TUSC3: variants seen among roughly 807,000 people sequenced by gnomAD.
TUSC3 encodes the protein tumor suppressor candidate 3, also known as dolichyl-diphosphooligosaccharide--protein glycosyltransferase subunit TUSC3.
In TUSC3, 45 loss-of-function variants were observed where a neutral mutation model predicts 44.8. That is an observed-to-expected ratio of 1.00 (90% CI 0.79 to 1.29). The LOEUF is 1.29. TUSC3 is among the 50% of genes most tolerant of loss of function. TUSC3 has a pLI of 0.00. For synonymous variants in TUSC3, 212 were observed against 152.9 expected (o/e 1.39, Z -2.85); for missense variants, 519 against 437.9 (o/e 1.19, Z -1.65).
At chr8:15,484,639 A>G (rs978306835) in intron 2 of TUSC3, among the ~76,000 whole-genome samples, 1 of 152,228 alleles carries the variant, frequency 6.6e-6, no homozygotes, top group South Asian at 2.1e-4. Context: ...CAATTTGGCA[A>G]TATGTTGTAT....
chr8:15,851,546 G>A, the TUSC3 span, among the ~76,000 whole-genome samples: 2 of 152,186 alleles, frequency 1.3e-5, no homozygotes, highest in African/African-American at 4.8e-5. Context: ...TGATTAGAGA[G>A]GTTTAAATAA....
At chr8:15,515,778 C>G (rs2129128696) in intron 2 of TUSC3, among the ~76,000 whole-genome samples, 1 of 152,230 alleles carries the variant, frequency 6.6e-6, no homozygotes, top group Admixed American at 6.5e-5. Flanking sequence ...AGTAACTCTC[C>G]TGCCTCAGCT....
rs564239135 is a variant in TUSC3, at chr8:15,694,607, T to G, written c.798+20771T>G. 1.3e-4 allele frequency among the ~76,000 whole-genome samples: 20 copies of G among 152,232 alleles called. No homozygotes were observed. In the East Asian group the frequency reaches 3.9e-3, roughly 30 times the overall value. ...GTTGTCATCCTTTGGATGAGTTTTTTGTTCTTTTATCCGCTTTGATATCCT... is the reference window on the plus strand; with the variant it reads ...GTTGTCATCCTTTGGATGAGTTTTTGGTTCTTTTATCCGCTTTGATATCCT... On this transcript the variant is annotated intron_variant, in intron 6 of 10. Coordinates refer to ENST00000503731, the MANE Select transcript of TUSC3 (RefSeq NM_006765.4).
Position 15,623,235 on chromosome 8 carries a change from G to A in TUSC3, c.294G>A (p.Gln98=). The change falls in exon 2 of 11, where the codon CAG becomes CAA. Residue 98 remains glutamine, a synonymous_variant. Transcript: ENST00000503731. ...VMFTALQPQR[Q]CSVCRQANEE... ...TCACTGCTCTTCAGCCTCAGCGGCA[G>A]TGTTCTGTGTGCAGGTAATTTATGT... The A allele has an allele frequency of 6.2e-7, 1 of 1,605,948 alleles. No homozygotes were observed. Among genetic ancestry groups the A allele is most frequent in the South Asian group, 1.1e-5 (1 of 88,586 alleles).
intron 1 of TUSC3, among the ~76,000 whole-genome samples, chr8:15,615,854 G>A (rs535817465): frequency 5.3e-5 from 8 of 152,210 alleles, no homozygotes; most frequent in Middle Eastern, 3.4e-3. Flanking sequence ...ATGAAGAGAG[G>A]CTGGTTAAAG....
intron 1 of TUSC3, among the ~76,000 whole-genome samples, chr8:15,576,546 G>A (rs1267099420): frequency 6.9e-6 from 1 of 144,252 alleles, no homozygotes; most frequent in East Asian, 2.2e-4. Context: ...CCACCTATGA[G>A]TGAGAATATG....
chr8:15,520,002 A>G (rs1008048256), intron 2 of TUSC3, among the ~76,000 whole-genome samples: 1 of 152,152 alleles, frequency 6.6e-6, no homozygotes, highest in Non-Finnish European at 1.5e-5. Context: ...GGCTCTTAAA[A>G]ACTGCCACTT....
At position 15,748,633 on chromosome 8, in the gene TUSC3, A is replaced by G. The variant is rs368101603; in HGVS notation, c.1028+168A>G. On this transcript the variant is annotated intron_variant, in intron 9 of 10. Transcript: ENST00000503731. ...ATGTGTTCAGCATAGTGAAGTACAC[A>G]AAGGAGATATAAGGCATGGTTCTTG... 127 of 751,174 alleles carry G rather than the reference A, an allele frequency of 1.7e-4. No homozygotes were observed. The African/African-American group carries it at 2.0e-3, about 12-fold the overall frequency. The allele number at this position is 751,174 out of a possible 1,614,324, so 46.5% of individuals were successfully genotyped here. A position where few individuals can be genotyped will look rare whatever the true frequency, so the allele number is the denominator to read the frequency against.
the TUSC3 span, among the ~76,000 whole-genome samples, chr8:15,845,234 C>G: frequency 0.79 from 120,793 of 151,952 alleles, 48,356 homozygotes; most frequent in African/African-American, 0.83. Flanking sequence ...CTAAGTATTG[C>G]CTTATGTTCT....
At chr8:15,582,040 G>T (rs939593711) in intron 1 of TUSC3, among the ~76,000 whole-genome samples, 2 of 152,104 alleles carry the variant, frequency 1.3e-5, no homozygotes, top group Non-Finnish European at 2.9e-5. Flanking sequence ...GGTCTGAAAA[G>T]CGCAATATTC....
the TUSC3 span, among the ~76,000 whole-genome samples, chr8:15,827,881 C>T: frequency 6.6e-6 from 1 of 152,010 alleles, no homozygotes; most frequent in African/African-American, 2.4e-5. Flanking sequence ...TGAATATATG[C>T]AGGACCCAAA....
chr8:15,555,328 T>C (rs1337529869), intron 1 of TUSC3, among the ~76,000 whole-genome samples: 1 of 133,120 alleles, frequency 7.5e-6, no homozygotes, highest in Non-Finnish European at 1.6e-5. Flanking sequence ...ATGGTCTTGC[T>C]CTGTTGCCCA....
At chr8:15,657,900 A>G (rs760724131) in intron 3 of TUSC3, among the ~76,000 whole-genome samples, 23 of 152,168 alleles carry the variant, frequency 1.5e-4, no homozygotes, top group Admixed American at 3.3e-4. Flanking sequence ...TTAAATATTT[A>G]CCTGCCGGCG....
At chr8:15,693,588 T>C (rs1034659832) in intron 6 of TUSC3, among the ~76,000 whole-genome samples, 1 of 152,018 alleles carries the variant, frequency 6.6e-6, no homozygotes, top group South Asian at 2.1e-4. Context: ...AGCTTTTTTT[T>C]CCTTTCATTT....
chr8:15,468,267 G>A (rs981585919), intron 1 of TUSC3, among the ~76,000 whole-genome samples: 32 of 152,164 alleles, frequency 2.1e-4, no homozygotes, highest in African/African-American at 7.2e-4. Flanking sequence ...CTTAATGTGA[G>A]AGGAAAAAAT....
chr8:15,446,907 A>AC (rs1554502532), intron 1 of TUSC3, among the ~76,000 whole-genome samples: 2 of 32,752 alleles, frequency 6.1e-5, no homozygotes, highest in Non-Finnish European at 3.8e-4. Flanking sequence ...ACAGAAAAAA[A>AC]AACAAAGGAG....
At chr8:15,826,651 C>T in the TUSC3 span, among the ~76,000 whole-genome samples, 62 of 152,126 alleles carry the variant, frequency 4.1e-4, no homozygotes, top group African/African-American at 9.6e-4. Flanking sequence ...TGAGAAGAAG[C>T]GAATGCTATT....
intron 2 of TUSC3, among the ~76,000 whole-genome samples, chr8:15,511,730 C>T (rs964054643): frequency 2.6e-5 from 4 of 151,868 alleles, no homozygotes; most frequent in Non-Finnish European, 4.4e-5. Context: ...ATTAGCCGGG[C>T]GTGGTGGTGG....
intron 6 of TUSC3, among the ~76,000 whole-genome samples, chr8:15,718,270 G>A (rs6530895): frequency 0.57 from 86,314 of 151,890 alleles, 24,946 homozygotes; most frequent in East Asian, 0.83. Context: ...TAGAAAAGTG[G>A]CAGTAGAGAA....
Sources: gnomAD v4.1 joint callset for allele counts (sites outside exome capture counted in the v4.1 genomes callset) on GRCh38, gnomAD v4.1.1 for gene constraint, MANE v1.5 for transcripts, NCBI Gene and HGNC (gene_info 2026-07-23, HGNC 2026-07-21) for gene names.